Variants in FARS2 observed in about 807,000 individuals in gnomAD.
FARS2 encodes phenylalanine--tRNA ligase, mitochondrial.
FARS2 carries 40 observed loss-of-function variants against 46.4 expected under a neutral mutation model. That is an observed-to-expected ratio of 0.86 (90% CI 0.67 to 1.12). The LOEUF (loss-of-function observed/expected upper bound fraction) is 1.12. Ranked by LOEUF, FARS2 falls within the 50% of genes most tolerant of loss-of-function variation. The probability of loss-of-function intolerance (pLI) is 0.00; values close to 1 mark genes in which losing one functional copy is unlikely to be tolerated. For missense variants in FARS2, 513 were observed against 567.9 expected (o/e 0.90, Z 0.98); for synonymous variants, 234 against 214.9 (o/e 1.09, Z -0.78).
At chr6:5,426,694 T>TGGTTCACCGCAACCTC (rs1762873830) in intron 3 of FARS2, among the ~76,000 whole-genome samples, 2 of 152,196 alleles carry the variant, frequency 1.3e-5, no homozygotes, top group Non-Finnish European at 2.9e-5. Context: ...GGCGCAATCT[T>TGGTTCACCGCAACCTC]GGCTCACCGC....
At chr6:5,261,988 A>G (rs1174027585) in intron 1 of FARS2, among the ~76,000 whole-genome samples, 1 of 152,150 alleles carries the variant, frequency 6.6e-6, no homozygotes, top group Non-Finnish European at 1.5e-5. Context: ...TGAGCATGGC[A>G]CTGGACGCAG....
At chr6:5,598,748 A>G (rs1395084544) in intron 5 of FARS2, among the ~76,000 whole-genome samples, 1 of 151,752 alleles carries the variant, frequency 6.6e-6, no homozygotes, top group Non-Finnish European at 1.5e-5. Flanking sequence ...GCCCCAAAGG[A>G]CCACTAGACC....
chr6:5,537,404 C>T (rs1321267704), intron 4 of FARS2, among the ~76,000 whole-genome samples: 1 of 152,250 alleles, frequency 6.6e-6, no homozygotes, highest in African/African-American at 2.4e-5. Context: ...CAGAGCTGCG[C>T]TCCTGTTGGA....
chr6:5,587,507 A>G (rs1395362357), intron 5 of FARS2, among the ~76,000 whole-genome samples: 1 of 152,182 alleles, frequency 6.6e-6, no homozygotes, highest in African/African-American at 2.4e-5. Context: ...GTTTTCATTC[A>G]TCTTGCTTTA....
intron 3 of FARS2, among the ~76,000 whole-genome samples, chr6:5,430,010 C>T (rs894680140): frequency 1.3e-5 from 2 of 151,510 alleles, no homozygotes; most frequent in Admixed American, 6.6e-5. Flanking sequence ...CCATTTTTGT[C>T]ATTATTTTTA....
intron 4 of FARS2, among the ~76,000 whole-genome samples, chr6:5,525,326 A>G (rs1769395142): frequency 1.3e-5 from 2 of 152,106 alleles, no homozygotes; most frequent in African/African-American, 4.8e-5. Flanking sequence ...GTGGGAAATC[A>G]GTAGCTGGCA....
intron 4 of FARS2, among the ~76,000 whole-genome samples, chr6:5,468,452 C>T (rs569210066): frequency 1.3e-5 from 2 of 152,028 alleles, no homozygotes; most frequent in Admixed American, 6.5e-5. Flanking sequence ...TAATTGAATT[C>T]CCTTTAATAT....
chr6:5,485,321 G>A (rs1287521482), intron 4 of FARS2, among the ~76,000 whole-genome samples: 2 of 152,166 alleles, frequency 1.3e-5, no homozygotes, highest in South Asian at 2.1e-4. Context: ...TAAATGTTAA[G>A]TGTTGTTTTG....
chr6:5,483,371 A>G (rs1370252968), intron 4 of FARS2, among the ~76,000 whole-genome samples: 1 of 152,100 alleles, frequency 6.6e-6, no homozygotes, highest in African/African-American at 2.4e-5. Flanking sequence ...ACTTTTTTTC[A>G]CAGTACTAAC....
intron 6 of FARS2, among the ~76,000 whole-genome samples, chr6:5,648,764 A>G (rs1306709527): frequency 1.3e-5 from 2 of 151,912 alleles, no homozygotes; most frequent in East Asian, 1.9e-4. Flanking sequence ...TACTATTTTT[A>G]TAGTAATTTT....
chr6:5,744,580 C>G (rs781101791), intron 6 of FARS2, among the ~76,000 whole-genome samples: 4 of 152,188 alleles, frequency 2.6e-5, no homozygotes, highest in African/African-American at 9.6e-5. Context: ...TTCTGCCCAG[C>G]GGTATCTGTC....
At chr6:5,628,132 C>T (rs543592303) in intron 6 of FARS2, among the ~76,000 whole-genome samples, 3 of 152,316 alleles carry the variant, frequency 2.0e-5, no homozygotes, top group East Asian at 3.9e-4. Flanking sequence ...AAATTATTCA[C>T]GGTTACCTGG....
At chr6:5,449,028 T>A (rs1368644538) in intron 4 of FARS2, among the ~76,000 whole-genome samples, 1 of 152,172 alleles carries the variant, frequency 6.6e-6, no homozygotes, top group African/African-American at 2.4e-5. Context: ...GAGAGCTCTG[T>A]AAGAGATTTT....
At chr6:5,461,623 C>T (rs528744527) in intron 4 of FARS2, among the ~76,000 whole-genome samples, 2 of 152,122 alleles carry the variant, frequency 1.3e-5, no homozygotes, top group East Asian at 1.9e-4. Context: ...TGCAGTGGTG[C>T]GATCCACTAT....
intron 1 of FARS2, among the ~76,000 whole-genome samples, chr6:5,262,281 C>A (rs1765213306): frequency 6.6e-6 from 1 of 151,944 alleles, no homozygotes; most frequent in Non-Finnish European, 1.5e-5. Flanking sequence ...TTTTCTGTTT[C>A]CTTTTCTTTT....
chr6:5,682,690 C>T (rs1438690892), intron 6 of FARS2, among the ~76,000 whole-genome samples: 5 of 152,232 alleles, frequency 3.3e-5, no homozygotes, highest in Non-Finnish European at 4.4e-5. Flanking sequence ...TGTTCAGCTG[C>T]AGCTGATACA....
At chr6:5,325,332 T>C (rs1050747232) in intron 1 of FARS2, among the ~76,000 whole-genome samples, 19 of 152,226 alleles carry the variant, frequency 1.2e-4, no homozygotes, top group African/African-American at 4.6e-4. Flanking sequence ...AAGCAATGCA[T>C]CACTAATTTT....
chr6:5,557,807 T>A (rs1341342018), intron 5 of FARS2, among the ~76,000 whole-genome samples: 3 of 152,164 alleles, frequency 2.0e-5, no homozygotes, highest in African/African-American at 7.2e-5. Context: ...ATGTTCCTTT[T>A]GCATAGAACT....
intron 5 of FARS2, among the ~76,000 whole-genome samples, chr6:5,549,824 C>T (rs1156850571): frequency 1.3e-5 from 2 of 152,122 alleles, no homozygotes; most frequent in Admixed American, 1.3e-4. Context: ...TCCCTTTGAC[C>T]CCTAAAGATT....
Sources: allele counts gnomAD v4.1 joint callset (sites outside exome capture counted in the v4.1 genomes callset), GRCh38; gene constraint gnomAD v4.1.1; transcripts MANE v1.5; gene names NCBI Gene and HGNC (gene_info 2026-07-23, HGNC 2026-07-21).